The following WDR7 variants were observed in gnomAD, a reference collection of about 807,000 sequenced individuals.
The protein encoded by WDR7 is WD repeat domain 7.
In WDR7, 46 loss-of-function variants were observed where a neutral mutation model predicts 169.4. The ratio of observed to expected loss-of-function variants is 0.27; its 90% CI spans 0.21 to 0.35. The LOEUF is 0.35. Ranked by LOEUF, WDR7 falls within the 10% of genes least tolerant of loss-of-function variation. WDR7 has a pLI of 1.00. For synonymous variants in WDR7, 612 were observed against 666.8 expected (o/e 0.92, Z 1.27); for missense variants, 1,534 against 1,859.3 (o/e 0.83, Z 3.22).
At chr18:56,887,109 A>T (rs58650948) in intron 21 of WDR7, among the ~76,000 whole-genome samples, 7,629 of 152,186 alleles carry the variant, frequency 0.05, 680 homozygotes, top group African/African-American at 0.18. Context: ...GAATTAGGGG[A>T]AAAAAGGGAT....
chr18:56,687,378 T>G (rs2025464240), intron 7 of WDR7, among the ~76,000 whole-genome samples: 1 of 152,266 alleles, frequency 6.6e-6, no homozygotes, highest in Admixed American at 6.5e-5. Context: ...ACTTCAGAGC[T>G]AATGATGGAA....
At chr18:56,992,153 A>G (rs1235625920) in intron 26 of WDR7, among the ~76,000 whole-genome samples, 1 of 152,222 alleles carries the variant, frequency 6.6e-6, no homozygotes. Context: ...ATCTTCTGTA[A>G]TCACTCCTTC....
chr18:56,864,833 T>C (rs577501247), intron 20 of WDR7, among the ~76,000 whole-genome samples: 1 of 152,056 alleles, frequency 6.6e-6, no homozygotes, highest in African/African-American at 2.4e-5. Context: ...TTCTCTATCA[T>C]TATTAACTTA....
intron 21 of WDR7, among the ~76,000 whole-genome samples, chr18:56,884,277 A>G (rs1024219585): frequency 6.6e-6 from 1 of 151,882 alleles, no homozygotes; most frequent in African/African-American, 2.4e-5. Context: ...CATTTTTTTC[A>G]TATGTTTGTT....
intron 19 of WDR7, among the ~76,000 whole-genome samples, chr18:56,785,835 T>C (rs532652559): frequency 2.9e-4 from 44 of 151,494 alleles, no homozygotes; most frequent in South Asian, 6.2e-4. Context: ...TTTTTCTTTT[T>C]TTTTTTTTTT....
chr18:56,809,248 C>G lies in WDR7; in HGVS notation c.3191-6783C>G, dbSNP rs151072068. On this transcript the variant is annotated intron_variant, in intron 19 of 27. Coordinates refer to ENST00000254442, the MANE Select transcript of WDR7 (RefSeq NM_015285.3). The stretch of plus-strand genomic sequence containing the variant: ...TAATTGTATTTCTTTTTTATTATAT[C>G]TCTTTACTCTCCTTATTTCCTTATT... Among the ~76,000 whole-genome samples, 11 of 152,142 alleles carry G rather than the reference C, an allele frequency of 7.2e-5. No homozygotes were observed. The East Asian group carries it at 1.7e-3, about 24-fold the overall frequency.
At chr18:56,655,683 C>T (rs1346030660) in intron 1 of WDR7, among the ~76,000 whole-genome samples, 1 of 151,288 alleles carries the variant, frequency 6.6e-6, no homozygotes, top group African/African-American at 2.4e-5. Flanking sequence ...AGATTTTCTT[C>T]ATGTTACCTC....
At chr18:56,706,865 T>A (rs2025968394) in intron 12 of WDR7, among the ~76,000 whole-genome samples, 1 of 151,868 alleles carries the variant, frequency 6.6e-6, no homozygotes, top group South Asian at 2.1e-4. Flanking sequence ...TTTTTGTATT[T>A]TTAGTAGAGA....
At chr18:56,978,398 T>A (rs2047596874) in intron 26 of WDR7, among the ~76,000 whole-genome samples, 1 of 152,176 alleles carries the variant, frequency 6.6e-6, no homozygotes, top group Non-Finnish European at 1.5e-5. Context: ...ATTTATTGAG[T>A]GCTACTATAT....
intron 21 of WDR7, among the ~76,000 whole-genome samples, chr18:56,911,381 G>A (rs1385097365): frequency 1.3e-5 from 2 of 152,128 alleles, no homozygotes; most frequent in African/African-American, 4.8e-5. Context: ...ACTGAGAAAC[G>A]GGCAGCAGAG....
chr18:56,944,563 T>C (rs1358427147), intron 25 of WDR7, among the ~76,000 whole-genome samples: 3 of 152,220 alleles, frequency 2.0e-5, no homozygotes, highest in African/African-American at 7.2e-5. Flanking sequence ...ATTTAAAATT[T>C]GAGCTATAAA....
chr18:56,710,424 A>G (rs1242922556), intron 12 of WDR7, among the ~76,000 whole-genome samples: 1 of 152,188 alleles, frequency 6.6e-6, no homozygotes, highest in Non-Finnish European at 1.5e-5. Flanking sequence ...ATTATGACAA[A>G]TATTTTCCGA....
intron 22 of WDR7, among the ~76,000 whole-genome samples, chr18:56,926,567 A>T (rs1285233328): frequency 6.6e-6 from 1 of 152,192 alleles, no homozygotes; most frequent in Non-Finnish European, 1.5e-5. Context: ...ACCAGCAAGC[A>T]TAAAGATGTG....
chr18:56,793,566 G>A (rs1439142751), intron 19 of WDR7, among the ~76,000 whole-genome samples: 2 of 152,204 alleles, frequency 1.3e-5, no homozygotes, highest in African/African-American at 4.8e-5. Context: ...AAAAGTATGT[G>A]CAAGAGATTT....
At chr18:56,677,620 A>C (rs576346) in intron 2 of WDR7, among the ~76,000 whole-genome samples, 1 of 152,100 alleles carries the variant, frequency 6.6e-6, no homozygotes, top group Admixed American at 6.5e-5. Flanking sequence ...CAGAGTGCTG[A>C]GATTTTAGGC....
intron 20 of WDR7, among the ~76,000 whole-genome samples, chr18:56,857,525 G>T (rs577337706): frequency 3.3e-5 from 5 of 152,248 alleles, no homozygotes; most frequent in South Asian, 4.2e-4. Flanking sequence ...CCAAAGTGCT[G>T]GGATTACAGG....
intron 19 of WDR7, among the ~76,000 whole-genome samples, chr18:56,814,338 C>T (rs10469126): frequency 0.16 from 24,370 of 151,926 alleles, 2,889 homozygotes; most frequent in African/African-American, 0.34. Flanking sequence ...TTATCAAGTT[C>T]TAAGCAAGAA....
chr18:57,010,998 C>G (rs928690088), intron 26 of WDR7, among the ~76,000 whole-genome samples: 19 of 152,088 alleles, frequency 1.2e-4, no homozygotes, highest in Non-Finnish European at 1.3e-4. Flanking sequence ...TTTTTCTATT[C>G]ATAAAACTTC....
At chr18:56,687,000 C>T (rs1164252783) in intron 7 of WDR7, 26 bp downstream of exon 7, 1 of 1,586,940 alleles carries the variant, frequency 6.3e-7, no homozygotes. Flanking sequence ...AAATAAGAAG[C>T]TGTATTTTTA....
Sources: allele counts gnomAD v4.1 joint callset (sites outside exome capture counted in the v4.1 genomes callset), GRCh38; gene constraint gnomAD v4.1.1; transcripts MANE v1.5; gene names NCBI Gene and HGNC (gene_info 2026-07-23, HGNC 2026-07-21).